CPPED1: variants seen among roughly 807,000 people sequenced by gnomAD.
CPPED1 encodes the protein serine/threonine-protein phosphatase CPPED1.
In CPPED1, 28 loss-of-function variants were observed where a neutral mutation model predicts 28.0. The observed-to-expected ratio is 1.00, with a 90% confidence interval of 0.74 to 1.37. CPPED1 has a LOEUF of 1.37. Among genes scored for constraint, CPPED1 ranks in the 40% most tolerant of loss-of-function variants. The pLI is 0.00. For missense variants in CPPED1, 504 were observed against 416.5 expected (o/e 1.21, Z -1.83); for synonymous variants, 198 against 180.2 (o/e 1.10, Z -0.79).
chr16:12,704,784 C>T lies in CPPED1; in HGVS notation c.555G>A (p.Leu185=), dbSNP rs757181968. 6.2e-7 allele frequency: 1 copy of T among 1,614,110 alleles called. No homozygotes were observed. The highest frequency in any genetic ancestry group is 8.5e-7 in the Non-Finnish European group (1 of 1,180,048). ...PSLKQAQDQW[L]DEQLSIARQR... is the part of the protein sequence containing the mutation. The stretch of plus-strand genomic sequence containing the variant: ...GCCTCGCGATGCTCAGCTGCTCGTC[C>T]AGCCACTGGTCCTGAGCCTGCTTCA... The change falls in exon 3 of 4, where the codon CTG becomes CTA. Residue 185 remains leucine (L), a synonymous_variant. Coordinates refer to ENST00000381774, the MANE Select transcript of CPPED1 (RefSeq NM_018340.3).
At chr16:12,741,525 C>A (rs1366716642) in intron 2 of CPPED1, among the ~76,000 whole-genome samples, 1 of 152,122 alleles carries the variant, frequency 6.6e-6, no homozygotes, top group African/African-American at 2.4e-5. Flanking sequence ...TAGATGGACA[C>A]CATTAATCTG....
rs111681098 is a variant in CPPED1 at position 12,667,339 on chromosome 16, A to T, written c.716-2224T>A. Among the ~76,000 whole-genome samples the T allele has an allele frequency of 2.6e-3, 403 of 152,314 alleles. 3 individuals carry two copies. The highest frequency in any genetic ancestry group is 4.3e-3 in the Non-Finnish European group (294 of 68,032). On this transcript the variant is annotated intron_variant, in intron 3 of 3. Coordinates refer to ENST00000381774, the MANE Select transcript of CPPED1 (RefSeq NM_018340.3). ...AAAGGGTCCTTAATAAAGGACTAAC[A>T]CCCATAAAAAGATGTTATGAAACAA...
At chr16:12,726,731 C>T (rs559785496) in intron 2 of CPPED1, among the ~76,000 whole-genome samples, 9 of 152,086 alleles carry the variant, frequency 5.9e-5, no homozygotes, top group South Asian at 2.1e-4. Flanking sequence ...ATGGCTTGAA[C>T]GCAGGATGTT....
At chr16:12,676,342 G>T (rs2079877634) in intron 3 of CPPED1, among the ~76,000 whole-genome samples, 1 of 152,176 alleles carries the variant, frequency 6.6e-6, no homozygotes, top group Non-Finnish European at 1.5e-5. Context: ...TAGCCAGGCA[G>T]TCAGAGAAAG....
At chr16:12,713,651 A>G (rs1008174408) in intron 2 of CPPED1, among the ~76,000 whole-genome samples, 2 of 152,072 alleles carry the variant, frequency 1.3e-5, no homozygotes, top group South Asian at 4.1e-4. Flanking sequence ...GTGAGCCACC[A>G]CACCTGGCTA....
In CPPED1 at chr16:12,694,314, C is replaced by T. The variant is rs563677272; in HGVS notation, c.715+10310G>A. Among the ~76,000 whole-genome samples the T allele has an allele frequency of 8.5e-5, 13 of 152,286 alleles. No homozygotes were observed. The East Asian group carries it at 1.7e-3, about 20-fold the overall frequency. ...TCATCCCTCCATCCTCAGTGCCTAG[C>T]GTGGGATCCATGCTATTTGCTGAAT... On this transcript the variant is annotated intron_variant, in intron 3 of 3. Transcript: ENST00000381774.
chr16:12,752,865 TTTA>T (rs1373116551), intron 2 of CPPED1: 5 of 148,110 alleles, frequency 3.4e-5, no homozygotes, highest in Non-Finnish European at 5.9e-5. Flanking sequence ...AGCTGTACTA[TTTA>T]TTAATATAAT....
chr16:12,732,464 AC>A (rs2080203897), intron 2 of CPPED1, among the ~76,000 whole-genome samples: 1 of 126,528 alleles, frequency 7.9e-6, no homozygotes, highest in Admixed American at 8.7e-5. Context: ...ACACACACAC[AC>A]AAACACACAA....
chr16:12,704,084 G>A (rs1375153070), intron 3 of CPPED1, among the ~76,000 whole-genome samples: 1 of 152,192 alleles, frequency 6.6e-6, no homozygotes, highest in Non-Finnish European at 1.5e-5. Context: ...CCACATCCCA[G>A]GATTTCCTGA....
chr16:12,759,763 C>T (rs1027093726), intron 2 of CPPED1, among the ~76,000 whole-genome samples: 6 of 152,178 alleles, frequency 3.9e-5, no homozygotes, highest in African/African-American at 1.4e-4. Context: ...CTCCTGACGC[C>T]TTGTGAAAAA....
At chr16:12,770,474 G>A (rs928349866) in intron 2 of CPPED1, among the ~76,000 whole-genome samples, 5 of 152,160 alleles carry the variant, frequency 3.3e-5, no homozygotes, top group African/African-American at 1.2e-4. Context: ...CAGATGGAAG[G>A]AGAAAAAGTA....
At chr16:12,745,175 CAG>C (rs112372401) in intron 2 of CPPED1, among the ~76,000 whole-genome samples, 6,494 of 152,132 alleles carry the variant, frequency 0.043, 482 homozygotes, top group African/African-American at 0.15. Context: ...ATCCCTCAAA[CAG>C]AGGTGGGGAC....
At chr16:12,681,136 G>C (rs7200640) in intron 3 of CPPED1, among the ~76,000 whole-genome samples, 117,321 of 143,226 alleles carry the variant, frequency 0.82, 48,652 homozygotes, top group African/African-American at 0.91. Context: ...GTTTCCCCCC[G>C]TAAAGAATAG....
rs1400609219 is a variant in CPPED1 at position 12,803,754 on chromosome 16, C to G, written c.23G>C (p.Gly8Ala). ...CCTGCCCCTGGCTCTGTGGAAAACA[C>G]CCCCCGCCTCTGCAGCCGACATGGC... MSAAEAG[G>A]VFHRARGRTL... The change falls in exon 1 of 4, where the codon GGT (glycine) becomes GCT (alanine). Residue 8 changes from glycine (G) to alanine (A), a missense_variant. By Grantham distance (60) the Gly-to-Ala change is moderately conservative. Transcript: ENST00000381774. 3.8e-6 allele frequency: 6 copies of G among 1,594,998 alleles called. No individual in the cohort carries two copies. The highest frequency in any genetic ancestry group is 4.3e-6 in the Non-Finnish European group (5 of 1,171,526).
chr16:12,801,605 A>G (rs559065979), intron 1 of CPPED1, among the ~76,000 whole-genome samples: 3 of 152,188 alleles, frequency 2.0e-5, no homozygotes, highest in Admixed American at 6.5e-5. Context: ...GCTTGTAGGT[A>G]TATGCCTCAG....
At chr16:12,773,881 C>T (rs2080483299) in intron 2 of CPPED1, among the ~76,000 whole-genome samples, 1 of 152,186 alleles carries the variant, frequency 6.6e-6, no homozygotes, top group Non-Finnish European at 1.5e-5. Context: ...TACACCTATT[C>T]ACACCTAAGT....
At chr16:12,724,364 C>T (rs2080158043) in intron 2 of CPPED1, among the ~76,000 whole-genome samples, 1 of 152,218 alleles carries the variant, frequency 6.6e-6, no homozygotes, top group Non-Finnish European at 1.5e-5. Context: ...AGAGCACACT[C>T]CTTCTCCCGG....
chr16:12,679,635 T>G (rs1459241174), intron 3 of CPPED1, among the ~76,000 whole-genome samples: 1 of 152,192 alleles, frequency 6.6e-6, no homozygotes, highest in Non-Finnish European at 1.5e-5. Flanking sequence ...TATTCGACAA[T>G]GTATCTTTTA....
chr16:12,746,641 T>G (rs2080290371), intron 2 of CPPED1, among the ~76,000 whole-genome samples: 1 of 152,078 alleles, frequency 6.6e-6, no homozygotes, highest in African/African-American at 2.4e-5. Flanking sequence ...AATTTAAATT[T>G]CTTTGAAAGG....
Sources: allele counts gnomAD v4.1 joint callset (sites outside exome capture counted in the v4.1 genomes callset), GRCh38; gene constraint gnomAD v4.1.1; transcripts MANE v1.5; gene names NCBI Gene and HGNC (gene_info 2026-07-23, HGNC 2026-07-21).